Variants in SMTN observed in about 807,000 individuals in gnomAD.
The protein encoded by SMTN is smoothelin.
SMTN carries 58 observed loss-of-function variants against 102.0 expected under a neutral mutation model. That is an observed-to-expected ratio of 0.57 (90% CI 0.46 to 0.71). SMTN has a LOEUF of 0.71. Ranked by LOEUF, SMTN falls within the 30% of genes least tolerant of loss-of-function variation. The pLI, the probability that SMTN is intolerant of heterozygous loss-of-function variation, is 0.00. For missense variants in SMTN, 1,185 were observed against 1,241.7 expected, an observed-to-expected ratio of 0.95 and a Z score of 0.69; for synonymous variants, 478 against 497.9, an observed-to-expected ratio of 0.96 and a Z score of 0.53.
intron 1 of SMTN, chr22:31,082,785 T>C: frequency 7.3e-7 from 1 of 1,378,648 alleles, no homozygotes; most frequent in African/African-American, 1.5e-5. Flanking sequence ...GGGTAGGCCC[T>C]GTGGATGGGT....
chr22:31,104,125 C>T (rs927425753), intron 20 of SMTN, 191 bp from the exon 21 acceptor site: 16 of 627,378 alleles, frequency 2.6e-5, no homozygotes, highest in East Asian at 1.4e-4. Context: ...TCTGCTCCCC[C>T]GCCCCGAGAG....
upstream of SMTN, among the ~76,000 whole-genome samples, chr22:31,077,743 G>A (rs2042164801): frequency 6.6e-6 from 1 of 152,194 alleles, no homozygotes; most frequent in African/African-American, 2.4e-5. Flanking sequence ...TGCCCAGTGG[G>A]CATCTGAGGC....
intron 2 of SMTN, 176 bp downstream of exon 2, chr22:31,083,485 T>C: frequency 1.3e-6 from 1 of 751,620 alleles, no homozygotes; most frequent in Non-Finnish European, 2.1e-6. Flanking sequence ...CCTTGTGGCA[T>C]GTGCCTGTCC....
intron 1 of SMTN, 195 bp from the exon 2 acceptor site, chr22:31,082,984 A>AC: frequency 1.4e-6 from 2 of 1,435,308 alleles, no homozygotes; most frequent in South Asian, 1.2e-5. Flanking sequence ...GGAACCAGAG[A>AC]CCCCCTACCC....
intron 1 of SMTN, among the ~76,000 whole-genome samples, chr22:31,073,266 C>CGCAT (rs774554950): frequency 2.6e-5 from 4 of 152,064 alleles, no homozygotes; most frequent in Non-Finnish European, 5.9e-5. Flanking sequence ...CACGCACGCA[C>CGCAT]GCATGCACGC....
chr22:31,098,931 A>C, intron 17 of SMTN, 91 bp downstream of exon 17: 3 of 1,551,696 alleles, frequency 1.9e-6, no homozygotes, highest in Non-Finnish European at 2.6e-6. Context: ...AGAGGCGGGA[A>C]GACCGCGCGG....
At chr22:31,101,239 C>T in intron 20 of SMTN, 190 bp downstream of exon 20, 3 of 580,778 alleles carry the variant, frequency 5.2e-6, no homozygotes, top group Non-Finnish European at 3.0e-6. Context: ...GCAGTGATGA[C>T]CCAGGTGGGC....
rs1602631754 is a variant in SMTN at position 31,091,150 on chromosome 22, C to T, written c.1127C>T (p.Ser376Phe). 2 of 1,613,910 alleles carry T rather than the reference C, an allele frequency of 1.2e-6. No individual in the cohort carries two copies. The highest frequency in any genetic ancestry group is 1.7e-6 in the Non-Finnish European group (2 of 1,179,896). The stretch of plus-strand genomic sequence containing the variant: ...TCCCTCACCAGCACCACCCCTGCCT[C>T]CTCCTCCAGCGGCTCCTCCTCTCGG... ...GPSLTSTTPA[S>F]SSSGSSSRGP... Residue 376 changes from serine (S) to phenylalanine (F), a missense_variant, in exon 10 of 21, where the codon TCC (serine) becomes TTC (phenylalanine). This residue lies in a region of SMTN where 1,096 missense variants were observed against 1,112.7 expected (regional missense o/e 0.98). Coordinates refer to ENST00000333137, the MANE Select transcript of SMTN (RefSeq NM_134269.3).
At chr22:31,089,053 G>A (rs996537671) in intron 6 of SMTN, 84 bp downstream of exon 6, 2 of 1,112,954 alleles carry the variant, frequency 1.8e-6, no homozygotes, top group African/African-American at 3.1e-5. Flanking sequence ...TGCTAGGCTG[G>A]TATTTCACTG....
At chr22:31,088,661 C>G in intron 4 of SMTN, 38 bp from the exon 5 acceptor site, 2 of 1,612,704 alleles carry the variant, frequency 1.2e-6, no homozygotes, top group Non-Finnish European at 8.5e-7. Context: ...GACCTGGACT[C>G]CACAGCCCAA....
Position 31,104,623 on chromosome 22 carries a change from G to A in SMTN, c.*328G>A, listed in dbSNP as rs1368316468. On this transcript the variant is annotated 3_prime_UTR_variant, in exon 21 of 21. Coordinates refer to ENST00000333137, the MANE Select transcript of SMTN (RefSeq NM_134269.3). ...TTTTGATAAATTATTGGTTTTCAAC[G>A]ATCCTGACTCCTCTCTGCGTCTCCT... The A allele has an allele frequency of 2.5e-6, 2 of 793,348 alleles. No homozygotes were observed. The highest frequency in any genetic ancestry group is 2.3e-5 in the Admixed American group (1 of 42,596). The allele number at this position is 793,348 out of a possible 1,614,324, so 49.1% of individuals were successfully genotyped here. A position where few individuals can be genotyped will look rare whatever the true frequency, so the allele number is the denominator to read the frequency against.
At chr22:31,087,930 C>A (rs1414706837) in intron 2 of SMTN, 35 bp from the exon 3 acceptor site, 27 of 1,545,936 alleles carry the variant, frequency 1.7e-5, no homozygotes, top group Non-Finnish European at 2.4e-5. Context: ...CCGCCCCTGG[C>A]AGCCAAAATG....
chr22:31,083,747 A>C (rs2042469154), intron 2 of SMTN, among the ~76,000 whole-genome samples: 1 of 152,182 alleles, frequency 6.6e-6, no homozygotes, highest in South Asian at 2.1e-4. Context: ...CAGAATAATC[A>C]CAGCAGCTCT....
Position 31,089,538 on chromosome 22 carries a change from A to ATGCCAG in SMTN, c.472-151_472-146dup, listed in dbSNP as rs2042957302. ...GTGGGGATCAGAGACTGCCCTTAGCATGCCAGTGCCAGTGCTTGCGCAGGT... is the reference window on the plus strand; with the variant it reads ...GTGGGGATCAGAGACTGCCCTTAGCATGCCAGTGCCAGTGCCAGTGCTTGCGCAGGT... On this transcript the variant is annotated intron_variant, in intron 6 of 20. Coordinates refer to ENST00000333137, the MANE Select transcript of SMTN (RefSeq NM_134269.3). The ATGCCAG allele has an allele frequency of 7.6e-6, 5 of 657,680 alleles. No homozygotes were observed. The East Asian group carries it at 1.3e-4, about 17-fold the overall frequency. 40.7% of individuals were successfully genotyped at this position (657,680 alleles called of 1,614,324 possible). A position where few individuals can be genotyped will look rare whatever the true frequency, so the allele number is the denominator to read the frequency against.
At chr22:31,079,620 C>T (rs1207519754), upstream of SMTN, among the ~76,000 whole-genome samples, 2 of 152,220 alleles carry the variant, frequency 1.3e-5, no homozygotes, top group African/African-American at 2.4e-5. Flanking sequence ...TCTTAGAGGG[C>T]GCCTGACCCT....
chr22:31,083,226 A>G lies in SMTN; in HGVS notation c.-33A>G. On this transcript the variant is annotated 5_prime_UTR_variant, in exon 2 of 21. Transcript: ENST00000333137. ...TGCCACAGGCACTGGGGATCTCACC[A>G]GAAAGGAACCGACGGAGCTAGGGGC... 1 of 1,595,906 alleles carries G rather than the reference A, an allele frequency of 6.3e-7. No individual in the cohort carries two copies. Among genetic ancestry groups the G allele is most frequent in the South Asian group, 1.1e-5 (1 of 87,500 alleles).
chr22:31,095,184 C>A lies in SMTN; in HGVS notation c.1633-119C>A. The A allele has an allele frequency of 9.8e-7, 1 of 1,023,372 alleles. No homozygotes were observed. Among genetic ancestry groups the A allele is most frequent in the Non-Finnish European group, 1.4e-6 (1 of 698,706 alleles). 63.4% of individuals were successfully genotyped at this position (1,023,372 alleles called of 1,614,324 possible). A position where few individuals can be genotyped will look rare whatever the true frequency, so the allele number is the denominator to read the frequency against. On this transcript the variant is annotated intron_variant, in intron 11 of 20. Transcript: ENST00000333137. The surrounding 1 kb of genome is among the most constrained non-coding windows in gnomAD (Gnocchi z 4.1). Reference sequence around the variant, plus strand: ...ATCTTTGGGCAGGCAGGCTGGCAGGCTAGTGGTTATTTCCAAGGCGTGCCA... The same window carrying A: ...ATCTTTGGGCAGGCAGGCTGGCAGGATAGTGGTTATTTCCAAGGCGTGCCA...
At chr22:31,077,919 G>A (rs1433930585), upstream of SMTN, among the ~76,000 whole-genome samples, 1 of 152,190 alleles carries the variant, frequency 6.6e-6, no homozygotes, top group Non-Finnish European at 1.5e-5. Flanking sequence ...ATCCAGTTCT[G>A]CACATAAGGA....
intron 19 of SMTN, 24 bp from the exon 20 acceptor site, chr22:31,100,861 T>TCCCCGCCCCCCCCCCC: frequency 3.5e-6 from 1 of 288,240 alleles, no homozygotes; most frequent in South Asian, 3.1e-5. Flanking sequence ...CCCCCACCCC[T>TCCCCGCCCCCCCCCCC]TCCCGGCCCC....
Sources: gnomAD v4.1 joint callset for allele counts (sites outside exome capture counted in the v4.1 genomes callset) on GRCh38, gnomAD v4.1.1 for gene constraint, gnomAD v4.1.1 regional missense constraint, Gnocchi (gnomAD v3.1) non-coding constraint, MANE v1.5 for transcripts, NCBI Gene and HGNC (gene_info 2026-07-23, HGNC 2026-07-21) for gene names.